The following RABGAP1L variants were observed in gnomAD, a reference collection of about 807,000 sequenced individuals.
RABGAP1L encodes rab GTPase-activating protein 1-like.
Under a neutral mutation model 137.7 loss-of-function variants are expected in RABGAP1L, and 63 were observed. That is an observed-to-expected ratio of 0.46 (90% confidence interval 0.37 to 0.56). The LOEUF (loss-of-function observed/expected upper bound fraction) is 0.56, where lower values mean the gene tolerates loss of function less well. RABGAP1L is among the 20% of genes least tolerant of loss of function. The pLI, the probability that RABGAP1L is intolerant of heterozygous loss-of-function variation, is 0.00. For synonymous variants in RABGAP1L, 431 were observed against 433.7 expected (o/e 0.99, Z 0.08); for missense variants, 1,095 against 1,244.0 (o/e 0.88, Z 1.80).
At chr1:174,485,457 A>G (rs1039856680) in intron 13 of RABGAP1L, among the ~76,000 whole-genome samples, 3 of 152,312 alleles carry the variant, frequency 2.0e-5, no homozygotes, top group African/African-American at 7.2e-5. Flanking sequence ...CCAGTTCAGT[A>G]TAATACTAGT....
At chr1:174,656,099 A>C (rs1365461507) in intron 14 of RABGAP1L, among the ~76,000 whole-genome samples, 1 of 151,904 alleles carries the variant, frequency 6.6e-6, no homozygotes, top group South Asian at 2.1e-4. Flanking sequence ...TGTGCATACA[A>C]ACATGTATTT....
intron 13 of RABGAP1L, among the ~76,000 whole-genome samples, chr1:174,400,671 A>G (rs1310661067): frequency 6.6e-6 from 1 of 152,102 alleles, no homozygotes; most frequent in Non-Finnish European, 1.5e-5. Flanking sequence ...GATTAATTTG[A>G]GCAGCTGTTC....
chr1:174,736,309 C>G (rs1020652061), intron 17 of RABGAP1L, among the ~76,000 whole-genome samples: 1 of 152,246 alleles, frequency 6.6e-6, no homozygotes, highest in Non-Finnish European at 1.5e-5. Flanking sequence ...TGAAACCCAG[C>G]AGGGCAGACA....
At chr1:174,585,129 A>C (rs142529395) in intron 13 of RABGAP1L, among the ~76,000 whole-genome samples, 1 of 152,240 alleles carries the variant, frequency 6.6e-6, no homozygotes, top group East Asian at 1.9e-4. Flanking sequence ...CATTGAATTA[A>C]ATGTCATTAA....
chr1:174,371,066 GA>G lies in RABGAP1L; in HGVS notation c.1557del (p.Lys519AsnfsTer17). On this transcript the variant is annotated frameshift_variant, in exon 12 of 26. Transcript: ENST00000681986. LOFTEE classifies it high-confidence loss of function. ...CTGTATTCTTGGGGAGAGTTGCTAGGAAAATGGTAAAATTTTATTTTTCATA... is the reference window on the plus strand; with the variant it reads ...CTGTATTCTTGGGGAGAGTTGCTAGGAAATGGTAAAATTTTATTTTTCATA... ...KILYSWGELL[G>X]KWHSNLGARP... The G allele has an allele frequency of 2.7e-6, 4 of 1,480,672 alleles. No individual in the cohort carries two copies. The highest frequency in any genetic ancestry group is 3.0e-5 in the South Asian group (2 of 67,110). The allele number at this position is 1,480,672 out of a possible 1,614,324, so 91.7% of individuals were successfully genotyped here. A position where few individuals can be genotyped will look rare whatever the true frequency, so the allele number is the denominator to read the frequency against.
chr1:174,323,124 C>T (rs1187419889), intron 11 of RABGAP1L, among the ~76,000 whole-genome samples: 1 of 152,090 alleles, frequency 6.6e-6, no homozygotes, highest in Non-Finnish European at 1.5e-5. Context: ...ACAGTTTTCA[C>T]GTCTGTCCTA....
At chr1:174,705,272 T>TG (rs1679964900) in intron 17 of RABGAP1L, 1 of 152,170 alleles carries the variant, frequency 6.6e-6, no homozygotes, top group African/African-American at 2.4e-5. Flanking sequence ...TTGGCACCCG[T>TG]GGCATCGGAA....
intron 3 of RABGAP1L, among the ~76,000 whole-genome samples, chr1:174,224,527 A>G (rs189724283): frequency 1.1e-4 from 17 of 152,270 alleles, no homozygotes; most frequent in African/African-American, 3.9e-4. Flanking sequence ...TTTCTTCTTG[A>G]GTGTACTTTG....
intron 1 of RABGAP1L, among the ~76,000 whole-genome samples, chr1:174,182,714 A>G (rs1291791093): frequency 6.6e-6 from 1 of 152,016 alleles, no homozygotes; most frequent in Non-Finnish European, 1.5e-5. Context: ...TCCCCACTTG[A>G]GTGAATCTTT....
At chr1:174,824,196 A>G (rs961082746) in intron 19 of RABGAP1L, among the ~76,000 whole-genome samples, 6 of 152,172 alleles carry the variant, frequency 3.9e-5, no homozygotes, top group African/African-American at 1.4e-4. Flanking sequence ...AGGCTGGGGC[A>G]AGAGAGTCTC....
intron 14 of RABGAP1L, among the ~76,000 whole-genome samples, chr1:174,669,344 A>T (rs1387509417): frequency 6.6e-6 from 1 of 152,102 alleles, no homozygotes; most frequent in Non-Finnish European, 1.5e-5. Context: ...GATTTTGGGG[A>T]TTGCAATTCA....
chr1:174,281,550 CCT>C (rs1388302245), intron 10 of RABGAP1L, among the ~76,000 whole-genome samples: 1 of 152,186 alleles, frequency 6.6e-6, no homozygotes, highest in African/African-American at 2.4e-5. Context: ...TCGCCTCTCA[CCT>C]TGACCTGAGT....
At chr1:174,427,337 T>G (rs934311958) in intron 13 of RABGAP1L, among the ~76,000 whole-genome samples, 1 of 152,182 alleles carries the variant, frequency 6.6e-6, no homozygotes, top group Non-Finnish European at 1.5e-5. Flanking sequence ...TTTTGACTCC[T>G]TCTCAATAGA....
chr1:174,745,951 T>G (rs1034062317), intron 17 of RABGAP1L, among the ~76,000 whole-genome samples: 5 of 152,234 alleles, frequency 3.3e-5, no homozygotes, highest in African/African-American at 9.6e-5. Flanking sequence ...TTGTTAGGAT[T>G]TCCATTATTT....
intron 13 of RABGAP1L, among the ~76,000 whole-genome samples, chr1:174,621,119 T>C (rs1672419263): frequency 6.6e-6 from 1 of 152,062 alleles, no homozygotes; most frequent in Admixed American, 6.6e-5. Flanking sequence ...TCAAAGAGAA[T>C]AAAATACCTA....
intron 18 of RABGAP1L, among the ~76,000 whole-genome samples, chr1:174,782,228 C>G (rs778646245): frequency 6.6e-6 from 1 of 152,092 alleles, no homozygotes; most frequent in East Asian, 1.9e-4. Flanking sequence ...CGTTTGTGCC[C>G]TCTTTTATTT....
chr1:174,828,794 C>T lies in RABGAP1L; in HGVS notation c.2340+16834C>T, dbSNP rs1404586109. Among the ~76,000 whole-genome samples, 38 of 148,062 alleles carry T rather than the reference C, an allele frequency of 2.6e-4. 1 individual carries two copies. Among genetic ancestry groups the T allele is most frequent in the Admixed American group, 2.3e-3 (34 of 14,796 alleles). ...ACCTAGGCTGTTATTTATTCTGACT[C>T]TGGCAATTCCTACACTAGAGCACCA... is the stretch of plus-strand genomic sequence containing the variant. On this transcript the variant is annotated intron_variant, in intron 19 of 25. Transcript: ENST00000681986.
intron 11 of RABGAP1L, among the ~76,000 whole-genome samples, chr1:174,349,776 A>T (rs1291498589): frequency 6.0e-4 from 58 of 97,276 alleles, no homozygotes; most frequent in East Asian, 3.1e-3. Context: ...CTGGCCGGGC[A>T]GAGGGGCTCC....
intron 19 of RABGAP1L, chr1:174,874,493 A>T (rs913065576): frequency 6.1e-6 from 6 of 982,372 alleles, no homozygotes; most frequent in Admixed American, 6.3e-5. Context: ...GCCTGTTTTG[A>T]TACTCTTCTC....
Sources: gnomAD v4.1 joint callset for allele counts (sites outside exome capture counted in the v4.1 genomes callset) on GRCh38, gnomAD v4.1.1 for gene constraint, MANE v1.5 for transcripts, NCBI Gene and HGNC (gene_info 2026-07-23, HGNC 2026-07-21) for gene names.